TBC1D5: variants seen among roughly 807,000 people sequenced by gnomAD.
The protein encoded by TBC1D5 is TBC1 domain family member 5.
TBC1D5 carries 75 observed loss-of-function variants against 100.3 expected under a neutral mutation model. The ratio of observed to expected loss-of-function variants is 0.75; its 90% CI spans 0.62 to 0.91. TBC1D5 has a LOEUF of 0.91. TBC1D5 is among the 40% of genes least tolerant of loss of function. The probability of loss-of-function intolerance (pLI) is 0.00; values close to 1 mark genes in which losing one functional copy is unlikely to be tolerated. For missense variants in TBC1D5, 910 were observed against 942.4 expected (o/e 0.97, Z 0.45); for synonymous variants, 323 against 325.6 (o/e 0.99, Z 0.09).
intron 8 of TBC1D5, among the ~76,000 whole-genome samples, chr3:17,385,225 C>T (rs1046673152): frequency 6.6e-6 from 1 of 151,766 alleles, no homozygotes; most frequent in Middle Eastern, 3.2e-3. Flanking sequence ...GAATAAGACG[C>T]CATTATTATA....
At chr3:17,374,580 AAAT>A (rs761327079) in intron 11 of TBC1D5, 40 bp from the exon 12 acceptor site, 1 of 1,608,936 alleles carries the variant, frequency 6.2e-7, no homozygotes, top group African/African-American at 1.3e-5. Flanking sequence ...ACTTTCATTA[AAAT>A]AATGATGGTA....
Position 17,632,626 on chromosome 3 carries a change from A to G in TBC1D5, c.-100-8713T>C, listed in dbSNP as rs187486002. On this transcript the variant is annotated intron_variant, in intron 1 of 21. Transcript: ENST00000253692. Reference sequence around the variant, plus strand: ...TTAAGAAATTGCTACAGACAAGCCAACCTTCAGCAACCACCACCCTGATGA... The same window carrying G: ...TTAAGAAATTGCTACAGACAAGCCAGCCTTCAGCAACCACCACCCTGATGA... Among the ~76,000 whole-genome samples the G allele has an allele frequency of 3.9e-5, 6 of 152,334 alleles. No homozygotes were observed. In the East Asian group the frequency reaches 1.2e-3, roughly 29 times the overall value.
intron 13 of TBC1D5, among the ~76,000 whole-genome samples, chr3:17,350,013 T>C (rs2090364937): frequency 6.6e-6 from 1 of 152,194 alleles, no homozygotes; most frequent in African/African-American, 2.4e-5. Context: ...GGGTGTTTCA[T>C]AACTTTTATT....
intron 2 of TBC1D5, 23 bp from the exon 3 acceptor site, chr3:17,508,628 G>C: frequency 8.6e-7 from 1 of 1,169,346 alleles, no homozygotes; most frequent in Non-Finnish European, 1.3e-6. Context: ...AAAATACAGA[G>C]AAAAATAATA....
chr3:17,721,761 C>A (rs11927283), intron 1 of TBC1D5, among the ~76,000 whole-genome samples: 7,462 of 151,752 alleles, frequency 0.049, 587 homozygotes, highest in African/African-American at 0.17. Context: ...CGGGCAGATT[C>A]CCTGAGCTCG....
intron 1 of TBC1D5, among the ~76,000 whole-genome samples, chr3:17,656,307 G>C (rs1327012350): frequency 6.6e-6 from 1 of 152,058 alleles, no homozygotes; most frequent in Admixed American, 6.6e-5. Context: ...TGAAAGGAAG[G>C]GCTGCTCAAA....
chr3:17,362,140 T>C (rs117643295), intron 13 of TBC1D5, among the ~76,000 whole-genome samples: 1 of 152,120 alleles, frequency 6.6e-6, no homozygotes, highest in Non-Finnish European at 1.5e-5. Flanking sequence ...ACATAAAAAT[T>C]AAGCCAAAAT....
At chr3:17,721,175 A>G (rs1420063178) in intron 1 of TBC1D5, among the ~76,000 whole-genome samples, 2 of 152,166 alleles carry the variant, frequency 1.3e-5, no homozygotes, top group African/African-American at 2.4e-5. Context: ...ACAAAAAATT[A>G]TATTTGTGTC....
At chr3:17,431,540 T>C (rs968966803) in intron 3 of TBC1D5, among the ~76,000 whole-genome samples, 2 of 152,012 alleles carry the variant, frequency 1.3e-5, no homozygotes, top group African/African-American at 4.8e-5. Context: ...ATTTATAACA[T>C]TGTACAACAT....
intron 1 of TBC1D5, among the ~76,000 whole-genome samples, chr3:17,648,572 C>G (rs113030732): frequency 6.6e-6 from 1 of 152,144 alleles, no homozygotes; most frequent in Non-Finnish European, 1.5e-5. Context: ...TTTTTGCAAA[C>G]TATGCATCTG....
At chr3:17,731,599 G>A (rs1423052246) in intron 1 of TBC1D5, among the ~76,000 whole-genome samples, 2 of 151,966 alleles carry the variant, frequency 1.3e-5, no homozygotes, top group Non-Finnish European at 2.9e-5. Flanking sequence ...AATCGTGAGA[G>A]CTTAAAAAGA....
At chr3:17,528,005 C>G (rs942390281) in intron 2 of TBC1D5, among the ~76,000 whole-genome samples, 2 of 152,036 alleles carry the variant, frequency 1.3e-5, no homozygotes, top group African/African-American at 4.8e-5. Context: ...GGATCGCCTC[C>G]CAAATTCCTG....
At chr3:17,695,084 C>G (rs1396326085) in intron 1 of TBC1D5, among the ~76,000 whole-genome samples, 2 of 152,174 alleles carry the variant, frequency 1.3e-5, no homozygotes, top group Non-Finnish European at 2.9e-5. Context: ...CTTACAAGAG[C>G]TCCTGAAGGA....
intron 3 of TBC1D5, among the ~76,000 whole-genome samples, chr3:17,474,186 T>C (rs2095411969): frequency 6.6e-6 from 1 of 152,178 alleles, no homozygotes; most frequent in South Asian, 2.1e-4. Context: ...TAAAAACTGA[T>C]ACTTTTATAT....
At chr3:17,339,612 A>G (rs1441046685) in intron 13 of TBC1D5, among the ~76,000 whole-genome samples, 1 of 152,226 alleles carries the variant, frequency 6.6e-6, no homozygotes, top group Admixed American at 6.5e-5. Flanking sequence ...AAGAGAAACT[A>G]ATTTTCGTAT....
At chr3:17,625,555 C>T (rs568071611) in intron 1 of TBC1D5, among the ~76,000 whole-genome samples, 2 of 152,150 alleles carry the variant, frequency 1.3e-5, no homozygotes, top group South Asian at 4.1e-4. Flanking sequence ...AATGGCATTA[C>T]AAGACTGAGA....
intron 8 of TBC1D5, among the ~76,000 whole-genome samples, chr3:17,388,901 T>C (rs2093261462): frequency 6.6e-6 from 1 of 152,000 alleles, no homozygotes; most frequent in African/African-American, 2.4e-5. Context: ...AAAAATACCA[T>C]AGTGCCATTG....
At chr3:17,174,437 G>A (rs540438646) in intron 19 of TBC1D5, among the ~76,000 whole-genome samples, 5 of 152,294 alleles carry the variant, frequency 3.3e-5, no homozygotes, top group Admixed American at 2.6e-4. Context: ...TTCAAGTGAA[G>A]CTATGTATCA....
intron 1 of TBC1D5, among the ~76,000 whole-genome samples, chr3:17,626,867 A>C (rs1285303695): frequency 6.6e-6 from 1 of 152,178 alleles, no homozygotes; most frequent in African/African-American, 2.4e-5. Context: ...AAAAACTAGG[A>C]CAAATTTATG....
Sources: allele counts gnomAD v4.1 joint callset (sites outside exome capture counted in the v4.1 genomes callset), GRCh38; gene constraint gnomAD v4.1.1; transcripts MANE v1.5; gene names NCBI Gene and HGNC (gene_info 2026-07-23, HGNC 2026-07-21).